Variants in CMBL observed in about 807,000 individuals in gnomAD.
CMBL encodes carboxymethylenebutenolidase homolog (Pseudomonas).
In CMBL, 17 loss-of-function variants were observed where a neutral mutation model predicts 28.7. The ratio of observed to expected loss-of-function variants is 0.59; its 90% CI spans 0.41 to 0.89. CMBL has a LOEUF of 0.89. CMBL is among the 40% of genes least tolerant of loss of function. The pLI is 0.00. For synonymous variants in CMBL, 106 were observed against 101.6 expected (o/e 1.04, Z -0.26); for missense variants, 310 against 298.5 (o/e 1.04, Z -0.28).
In CMBL at chr5:10,280,370, G is replaced by T; in HGVS notation, c.*83C>A. ...ATTCCTACACTTATTTTATAAAAGT[G>T]AAAATTAAATCAAATGATCTAACTA... On this transcript the variant is annotated 3_prime_UTR_variant, in exon 6 of 6. Coordinates refer to ENST00000296658, the MANE Select transcript of CMBL (RefSeq NM_138809.4). 9.5e-7 allele frequency: 1 copy of T among 1,051,590 alleles called. No individual in the cohort carries two copies. Among genetic ancestry groups the T allele is most frequent in the Non-Finnish European group, 1.3e-6 (1 of 743,538 alleles). 65.1% of individuals were successfully genotyped at this position (1,051,590 alleles called of 1,614,324 possible). A position where few individuals can be genotyped will look rare whatever the true frequency, so the allele number is the denominator to read the frequency against.
chr5:10,295,627 G>A (rs1265061982), intron 1 of CMBL, among the ~76,000 whole-genome samples: 2 of 152,180 alleles, frequency 1.3e-5, no homozygotes, highest in African/African-American at 2.4e-5. Context: ...TATATAAGGG[G>A]CCCAGAGAGC....
Position 10,293,501 on chromosome 5 carries a change from G to A in CMBL, c.-19-2720C>T, listed in dbSNP as rs553086944. 2.1e-3 allele frequency among the ~76,000 whole-genome samples: 326 copies of A among 152,080 alleles called. 2 individuals are homozygous for A. The highest frequency in any genetic ancestry group is 7.4e-3 in the African/African-American group (307 of 41,460). Reference sequence around the variant, plus strand: ...AGACCTAATCATTTTCCAAAGACCCGACCTCCTGATACCATCACCTTGAGG... The same window carrying A: ...AGACCTAATCATTTTCCAAAGACCCAACCTCCTGATACCATCACCTTGAGG... On this transcript the variant is annotated intron_variant, in intron 1 of 5. Transcript: ENST00000296658.
In CMBL at chr5:10,279,498, G is replaced by A. The variant is rs529775372; in HGVS notation, c.*955C>T. 1 of 151,666 alleles carries A rather than the reference G, an allele frequency of 6.6e-6. No individual in the cohort carries two copies. The highest frequency in any genetic ancestry group is 1.5e-5 in the Non-Finnish European group (1 of 67,960). The allele number at this position is 151,666 out of a possible 1,614,324, so 9.4% of individuals were successfully genotyped here. On this transcript the variant is annotated 3_prime_UTR_variant, in exon 6 of 6. Transcript: ENST00000296658. ...CTTTCTATGATGTGTTCAAAGACCAGAAAAGGCCACACTTGACCTGTCAGC... is the reference window on the plus strand; with the variant it reads ...CTTTCTATGATGTGTTCAAAGACCAAAAAAGGCCACACTTGACCTGTCAGC...
rs1438866729 is a variant in CMBL, at chr5:10,277,682, C to T, written c.*2771G>A. 6.6e-6 allele frequency among the ~76,000 whole-genome samples: 1 copy of T among 151,990 alleles called. No individual in the cohort carries two copies. Among genetic ancestry groups the T allele is most frequent in the Admixed American group, 6.6e-5 (1 of 15,256 alleles). ...CTAAAGTTGCCATTTTTTCCCTTTACCTTCATTTATCTGTTTGTCTAATAG... is the reference window on the plus strand; with the variant it reads ...CTAAAGTTGCCATTTTTTCCCTTTATCTTCATTTATCTGTTTGTCTAATAG... On this transcript the variant is annotated 3_prime_UTR_variant, in exon 6 of 6. Coordinates refer to ENST00000296658, the MANE Select transcript of CMBL (RefSeq NM_138809.4).
chr5:10,278,498 G>C lies in CMBL; in HGVS notation c.*1955C>G, dbSNP rs984100042. ...ATGCCTGCTTGCTCTAAACCCCCCA[G>C]TTAGAACCTCCAGGGGAAACCTGCA... On this transcript the variant is annotated 3_prime_UTR_variant, in exon 6 of 6. Coordinates refer to ENST00000296658, the MANE Select transcript of CMBL (RefSeq NM_138809.4). Among the ~76,000 whole-genome samples the C allele has an allele frequency of 7.2e-5, 11 of 152,138 alleles. No individual in the cohort carries two copies. Among genetic ancestry groups the C allele is most frequent in the African/African-American group, 2.4e-4 (10 of 41,510 alleles).
Position 10,294,633 on chromosome 5 carries a change from A to G in CMBL, c.-19-3852T>C, listed in dbSNP as rs559957746. Among the ~76,000 whole-genome samples the G allele has an allele frequency of 2.6e-5, 4 of 152,306 alleles. No homozygotes were observed. In the South Asian group the frequency reaches 6.2e-4, roughly 24 times the overall value. ...TCATCAAGTAGCAAAGGAAGAAAAG[A>G]AAGTCCAGTTGGATGGCTCCAGCAA... On this transcript the variant is annotated intron_variant, in intron 1 of 5. Coordinates refer to ENST00000296658, the MANE Select transcript of CMBL (RefSeq NM_138809.4).
chr5:10,286,260 G>A, intron 4 of CMBL, 94 bp downstream of exon 4: 1 of 1,232,066 alleles, frequency 8.1e-7, no homozygotes, highest in Middle Eastern at 2.0e-4. Context: ...ACATTATTGG[G>A]GGTTGTGTTA....
intron 1 of CMBL, among the ~76,000 whole-genome samples, chr5:10,291,552 T>C (rs2548550): frequency 6.6e-6 from 1 of 151,378 alleles, no homozygotes; most frequent in African/African-American, 2.4e-5. Flanking sequence ...TCCCAGCTAC[T>C]CGGGAGGCTG....
chr5:10,302,590 ACTC>A (rs979261433), intron 1 of CMBL, among the ~76,000 whole-genome samples: 1 of 150,938 alleles, frequency 6.6e-6, no homozygotes, highest in Non-Finnish European at 1.5e-5. Context: ...TTGCAGCGAG[ACTC>A]TGTCTCAAAA....
At chr5:10,299,368 C>T (rs1395362310) in intron 1 of CMBL, among the ~76,000 whole-genome samples, 1 of 152,164 alleles carries the variant, frequency 6.6e-6, no homozygotes, top group African/African-American at 2.4e-5. Context: ...GAATGAAATA[C>T]TATTTTCCAT....
chr5:10,302,745 G>C (rs1746922240), intron 1 of CMBL, among the ~76,000 whole-genome samples: 1 of 152,210 alleles, frequency 6.6e-6, no homozygotes, highest in African/African-American at 2.4e-5. Flanking sequence ...AATAAGGTAT[G>C]AAATTCCAAC....
intron 1 of CMBL, among the ~76,000 whole-genome samples, chr5:10,305,050 C>G (rs1746972656): frequency 6.6e-6 from 1 of 152,178 alleles, no homozygotes; most frequent in South Asian, 2.1e-4. Flanking sequence ...AGATGCATGA[C>G]AGAGTCCTCG....
Position 10,290,878 on chromosome 5 carries a change from C to T in CMBL, c.-19-97G>A. 4 of 892,426 alleles carry T rather than the reference C, an allele frequency of 4.5e-6. No homozygotes were observed. In the South Asian group the frequency reaches 6.7e-5, roughly 15 times the overall value. 55.3% of individuals were successfully genotyped at this position (892,426 alleles called of 1,614,324 possible). On this transcript the variant is annotated intron_variant, in intron 1 of 5. Coordinates refer to ENST00000296658, the MANE Select transcript of CMBL (RefSeq NM_138809.4). ...CAAATCAAGATTATAGAAAAAAATT[C>T]ATTTTAGCTACATCTATGGTATTAT... is the stretch of plus-strand genomic sequence containing the variant.
chr5:10,282,240 A>T lies in CMBL; in HGVS notation c.515T>A (p.Leu172Ter), dbSNP rs775939122. 2 of 1,613,278 alleles carry T rather than the reference A, an allele frequency of 1.2e-6. No homozygotes were observed. The highest frequency in any genetic ancestry group is 2.7e-5 in the African/African-American group (2 of 74,906). Residue 172 changes from leucine to a stop codon, truncating the protein, a stop_gained, in exon 5 of 6, where the codon TTG (leucine) becomes TAG (stop). Transcript: ENST00000296658. LOFTEE classifies it high-confidence loss of function. ...AACATCATTTTCAGCAAAAATGAAC[A>T]AAGTGGGGTTCTTTAAATTGTAAAT... ...EDIYNLKNPT[L>*]FIFAENDVVI...
At chr5:10,291,022 G>A (rs1746704804) in intron 1 of CMBL, among the ~76,000 whole-genome samples, 1 of 152,152 alleles carries the variant, frequency 6.6e-6, no homozygotes, top group South Asian at 2.1e-4. Flanking sequence ...AGAACTCACA[G>A]GGAAAAGGGA....
At chr5:10,296,875 A>T (rs1561065437) in intron 1 of CMBL, among the ~76,000 whole-genome samples, 1 of 152,210 alleles carries the variant, frequency 6.6e-6, no homozygotes, top group Admixed American at 6.5e-5. Flanking sequence ...CAGCATAATC[A>T]TAGTGGGCTT....
Position 10,282,233 on chromosome 5 carries a change from A to G in CMBL, c.522T>C (p.Ile174=), listed in dbSNP as rs1337237572. The G allele has an allele frequency of 6.2e-7, 1 of 1,613,320 alleles. No individual in the cohort carries two copies. The highest frequency in any genetic ancestry group is 2.2e-5 in the East Asian group (1 of 44,872). Residue 174 remains isoleucine (I), a synonymous_variant, in exon 5 of 6, where the codon ATT becomes ATC. Transcript: ENST00000296658. ...GAATCACAACATCATTTTCAGCAAA[A>G]ATGAACAAAGTGGGGTTCTTTAAAT... is the stretch of plus-strand genomic sequence containing the variant. ...IYNLKNPTLF[I]FAENDVVIPL... is the part of the protein sequence containing the mutation.
At chr5:10,282,375 C>T in intron 4 of CMBL, 87 bp from the exon 5 acceptor site, 1 of 721,502 alleles carries the variant, frequency 1.4e-6, no homozygotes, top group Non-Finnish European at 2.4e-6. Flanking sequence ...TCCCCACACT[C>T]ATGCCACAGA....
chr5:10,306,641 A>G (rs1234182707), intron 1 of CMBL, among the ~76,000 whole-genome samples: 1 of 152,216 alleles, frequency 6.6e-6, no homozygotes, highest in East Asian at 1.9e-4. Context: ...TTGCATGGCA[A>G]GTGATTTTCA....
Sources: gnomAD v4.1 joint callset for allele counts (sites outside exome capture counted in the v4.1 genomes callset) on GRCh38, gnomAD v4.1.1 for gene constraint, MANE v1.5 for transcripts, NCBI Gene and HGNC (gene_info 2026-07-23, HGNC 2026-07-21) for gene names.